Variants in EPHA4 observed in about 807,000 individuals in gnomAD.
EPHA4 encodes the protein ephrin type-A receptor 4.
A neutral mutation model predicts 108.3 loss-of-function variants in EPHA4; 19 were observed. The observed-to-expected ratio is 0.18, with a 90% CI of 0.12 to 0.26. The LOEUF is 0.26. EPHA4 is among the 10% of genes least tolerant of loss of function. EPHA4 has a pLI of 1.00. For missense variants in EPHA4, 917 were observed against 1,254.0 expected, an observed-to-expected ratio of 0.73 and a Z score of 4.06; for synonymous variants, 449 against 455.5, an observed-to-expected ratio of 0.99 and a Z score of 0.18.
intron 6 of EPHA4, 120 bp downstream of exon 6, chr2:221,457,746 G>C: frequency 8.8e-7 from 1 of 1,133,856 alleles, no homozygotes; most frequent in East Asian, 2.8e-5. Flanking sequence ...GGAAGGAGTC[G>C]AGGAAAGAAG....
At chr2:221,539,184 C>T (rs1443150234) in intron 3 of EPHA4, among the ~76,000 whole-genome samples, 2 of 152,156 alleles carry the variant, frequency 1.3e-5, no homozygotes, top group Non-Finnish European at 2.9e-5. Flanking sequence ...AGGATTTCTG[C>T]GTCCCAGCCA....
intron 5 of EPHA4, among the ~76,000 whole-genome samples, chr2:221,469,710 G>C (rs926712263): frequency 9.2e-5 from 14 of 152,144 alleles, no homozygotes; most frequent in Admixed American, 5.9e-4. Context: ...CCTGGACTGA[G>C]ACCAATTCCA....
At chr2:221,537,469 T>C (rs180756670) in intron 3 of EPHA4, among the ~76,000 whole-genome samples, 7 of 152,318 alleles carry the variant, frequency 4.6e-5, no homozygotes, top group Non-Finnish European at 7.4e-5. Flanking sequence ...GGGACAAAAT[T>C]GTTCAGAACT....
intron 3 of EPHA4, among the ~76,000 whole-genome samples, chr2:221,561,296 T>A (rs16862827): frequency 6.6e-6 from 1 of 152,126 alleles, no homozygotes; most frequent in Non-Finnish European, 1.5e-5. Context: ...CTTGGAATCC[T>A]TTGTCATTCA....
intron 4 of EPHA4, among the ~76,000 whole-genome samples, chr2:221,495,754 G>A (rs1692276485): frequency 1.3e-5 from 2 of 152,146 alleles, no homozygotes; most frequent in Admixed American, 6.5e-5. Flanking sequence ...ATTAGCCAAT[G>A]CTACTTTTAT....
At chr2:221,432,815 T>C (rs1429402541) in intron 14 of EPHA4, among the ~76,000 whole-genome samples, 5 of 137,984 alleles carry the variant, frequency 3.6e-5, no homozygotes, top group African/African-American at 1.5e-4. Context: ...AGCAAATCTT[T>C]GTATTTTTTT....
chr2:221,442,692 A>G (rs767726571), intron 11 of EPHA4, 137 bp downstream of exon 11: 23 of 838,154 alleles, frequency 2.7e-5, no homozygotes, highest in Non-Finnish European at 1.1e-5. Context: ...TACAAGATTA[A>G]TGACTTGTCC....
chr2:221,447,149 A>G (rs1479881643), intron 8 of EPHA4, among the ~76,000 whole-genome samples: 2 of 152,336 alleles, frequency 1.3e-5, no homozygotes, highest in East Asian at 3.9e-4. Flanking sequence ...TTGATATCAC[A>G]GCTGTCTAAA....
chr2:221,452,078 T>C (rs1690804881), intron 8 of EPHA4, among the ~76,000 whole-genome samples: 1 of 152,242 alleles, frequency 6.6e-6, no homozygotes, highest in African/African-American at 2.4e-5. Flanking sequence ...AAGACAATTT[T>C]CTCTCTGAGG....
chr2:221,477,496 C>T (rs1430355153), intron 5 of EPHA4, among the ~76,000 whole-genome samples: 1 of 152,178 alleles, frequency 6.6e-6, no homozygotes, highest in Non-Finnish European at 1.5e-5. Context: ...GCCTGCCTGG[C>T]TTCTACCCAC....
chr2:221,420,646 T>C (rs960795420), intron 17 of EPHA4, 94 bp from the exon 18 acceptor site: 3 of 152,206 alleles, frequency 2.0e-5, no homozygotes, highest in African/African-American at 4.8e-5. Context: ...TATAGGTTCG[T>C]AGAAGTTGGT....
chr2:221,482,897 GCAAA>G (rs1468229809), intron 4 of EPHA4, among the ~76,000 whole-genome samples: 2 of 152,144 alleles, frequency 1.3e-5, no homozygotes, highest in East Asian at 3.8e-4. Context: ...TCTTTCCCAC[GCAAA>G]CAAACAAGGC....
intron 3 of EPHA4, among the ~76,000 whole-genome samples, chr2:221,526,146 TG>T (rs1693317547): frequency 2.0e-5 from 3 of 152,212 alleles, no homozygotes; most frequent in Admixed American, 2.0e-4. Flanking sequence ...CTAAGGAAAC[TG>T]GGGCATATAC....
chr2:221,502,973 A>C, intron 3 of EPHA4, among the ~76,000 whole-genome samples: 1 of 152,174 alleles, frequency 6.6e-6, no homozygotes, highest in Non-Finnish European at 1.5e-5. Context: ...TCAACTTGCA[A>C]GGTGCTTTTT....
chr2:221,482,805 G>A, intron 4 of EPHA4, 115 bp from the exon 5 acceptor site: 1 of 935,048 alleles, frequency 1.1e-6, no homozygotes, highest in Non-Finnish European at 1.6e-6. Context: ...ACTTGGCAAA[G>A]AAAGCAAAAA....
chr2:221,474,417 T>C (rs1371098203), intron 5 of EPHA4, among the ~76,000 whole-genome samples: 1 of 86,718 alleles, frequency 1.2e-5, no homozygotes, highest in Non-Finnish European at 2.3e-5. Context: ...CAAGAGACTG[T>C]TTCTTAAAAA....
intron 3 of EPHA4, among the ~76,000 whole-genome samples, chr2:221,507,687 T>C (rs1464985090): frequency 6.6e-6 from 1 of 152,174 alleles, no homozygotes; most frequent in Admixed American, 6.5e-5. Flanking sequence ...GGGTTTACTC[T>C]CAATCCCAAG....
At chr2:221,555,150 T>A (rs1224411493) in intron 3 of EPHA4, among the ~76,000 whole-genome samples, 1 of 151,848 alleles carries the variant, frequency 6.6e-6, no homozygotes, top group Non-Finnish European at 1.5e-5. Flanking sequence ...GGCCGGAGAG[T>A]GACAACCAGC....
intron 5 of EPHA4, among the ~76,000 whole-genome samples, chr2:221,461,575 G>C (rs1318794194): frequency 1.3e-5 from 2 of 152,084 alleles, no homozygotes; most frequent in African/African-American, 2.4e-5. Context: ...ATAGAGACAA[G>C]GTTCTTCCTC....
Sources: allele counts gnomAD v4.1 joint callset (sites outside exome capture counted in the v4.1 genomes callset), GRCh38; gene constraint gnomAD v4.1.1; transcripts MANE v1.5; gene names NCBI Gene and HGNC (gene_info 2026-07-23, HGNC 2026-07-21).